BTRC: variants seen among roughly 807,000 people sequenced by gnomAD.
BTRC encodes the protein F-box/WD repeat-containing protein 1A.
Under a neutral mutation model 85.5 loss-of-function variants are expected in BTRC, and 42 were observed. The observed-to-expected ratio is 0.49, with a 90% CI of 0.38 to 0.64. The LOEUF is 0.64. Ranked by LOEUF, BTRC falls within the 30% of genes least tolerant of loss-of-function variation. BTRC has a pLI of 0.00. For missense variants in BTRC, 594 were observed against 743.5 expected (o/e 0.80, Z 2.34); for synonymous variants, 255 against 263.3 (o/e 0.97, Z 0.30).
chr10:101,418,595 C>A (rs542879760), intron 1 of BTRC, among the ~76,000 whole-genome samples: 53 of 151,820 alleles, frequency 3.5e-4, no homozygotes, highest in African/African-American at 1.3e-3. Context: ...ATAGTTTAGA[C>A]CTCTTCTAGA....
chr10:101,427,015 A>G (rs890470796), intron 1 of BTRC, among the ~76,000 whole-genome samples: 2 of 151,292 alleles, frequency 1.3e-5, no homozygotes, highest in Admixed American at 1.3e-4. Context: ...CTCAGATTCA[A>G]TCTTTCCTTC....
intron 4 of BTRC, among the ~76,000 whole-genome samples, chr10:101,491,070 A>C (rs1946118444): frequency 6.6e-6 from 1 of 152,042 alleles, no homozygotes; most frequent in Non-Finnish European, 1.5e-5. Context: ...AAAAAAAAAA[A>C]AAACTCTCTT....
At chr10:101,474,539 G>GTT (rs2134208461) in intron 3 of BTRC, among the ~76,000 whole-genome samples, 2 of 152,312 alleles carry the variant, frequency 1.3e-5, no homozygotes, top group South Asian at 4.1e-4. Context: ...CATGTACGTA[G>GTT]TTTGGGTGTT....
At chr10:101,531,164 C>CT in intron 6 of BTRC, 73 bp from the exon 7 acceptor site, 1 of 1,252,210 alleles carries the variant, frequency 8.0e-7, no homozygotes, top group East Asian at 2.4e-5. Flanking sequence ...GAGCGAGACT[C>CT]TGTCTCAAAA....
intron 13 of BTRC, 104 bp from the exon 14 acceptor site, chr10:101,550,595 A>G (rs990971878): frequency 1.6e-4 from 213 of 1,301,052 alleles, no homozygotes; most frequent in Non-Finnish European, 6.5e-5. Flanking sequence ...TTATAACAGC[A>G]AACCATAGCC....
chr10:101,466,797 A>G (rs772327269), intron 3 of BTRC, among the ~76,000 whole-genome samples: 1 of 152,328 alleles, frequency 6.6e-6, no homozygotes, highest in East Asian at 1.9e-4. Flanking sequence ...AAGGAACTAC[A>G]TAAGTCTTTT....
At chr10:101,464,503 C>G (rs781492156) in intron 3 of BTRC, among the ~76,000 whole-genome samples, 23 of 151,718 alleles carry the variant, frequency 1.5e-4, no homozygotes, top group Non-Finnish European at 2.9e-4. Flanking sequence ...CTCTTCCCCA[C>G]TCCCCCTGCC....
At chr10:101,414,795 AT>A (rs1179089258) in intron 1 of BTRC, 2 of 168,132 alleles carry the variant, frequency 1.2e-5, no homozygotes, top group East Asian at 1.8e-4. Context: ...TATAATATAT[AT>A]TTTTTAAATA....
intron 4 of BTRC, among the ~76,000 whole-genome samples, chr10:101,490,932 C>T (rs1244199337): frequency 1.3e-5 from 2 of 151,940 alleles, no homozygotes; most frequent in Non-Finnish European, 2.9e-5. Context: ...GGTGGCTGCA[C>T]CTGTTGTCCC....
intron 13 of BTRC, among the ~76,000 whole-genome samples, chr10:101,542,875 T>C (rs2062489576): frequency 6.6e-6 from 1 of 152,134 alleles, no homozygotes; most frequent in African/African-American, 2.4e-5. Flanking sequence ...TGGTTTTTTT[T>C]GTTGTTGTCG....
At chr10:101,539,097 C>G (rs752634003) in intron 13 of BTRC, among the ~76,000 whole-genome samples, 1 of 151,484 alleles carries the variant, frequency 6.6e-6, no homozygotes, top group Non-Finnish European at 1.5e-5. Context: ...TCCCCCTGGT[C>G]AACCCCTTAG....
chr10:101,519,920 G>A (rs12360234), intron 4 of BTRC, among the ~76,000 whole-genome samples: 66 of 152,056 alleles, frequency 4.3e-4, no homozygotes, highest in African/African-American at 1.5e-3. Flanking sequence ...ACTTGAACCC[G>A]GGAGGCAGAG....
intron 1 of BTRC, among the ~76,000 whole-genome samples, chr10:101,425,795 G>A (rs1213059557): frequency 6.6e-6 from 1 of 151,846 alleles, no homozygotes; most frequent in African/African-American, 2.4e-5. Flanking sequence ...GGGCAAGAGA[G>A]TGAGACTCTG....
At chr10:101,369,671 T>C (rs1942577405) in intron 1 of BTRC, among the ~76,000 whole-genome samples, 6 of 152,206 alleles carry the variant, frequency 3.9e-5, no homozygotes, top group Admixed American at 3.3e-4. Context: ...GCCATCATAC[T>C]GGACACACCA....
intron 4 of BTRC, among the ~76,000 whole-genome samples, chr10:101,511,196 T>G (rs2061948389): frequency 6.6e-6 from 1 of 152,124 alleles, no homozygotes; most frequent in East Asian, 1.9e-4. Context: ...TTTCCTTAAT[T>G]CCCACCATTT....
intron 6 of BTRC, among the ~76,000 whole-genome samples, chr10:101,528,868 A>G (rs1233452504): frequency 1.3e-5 from 2 of 152,196 alleles, no homozygotes; most frequent in African/African-American, 4.8e-5. Context: ...ACAGTTTTCT[A>G]ATAAAGCTTT....
chr10:101,464,541 A>AC (rs796145158), intron 3 of BTRC, among the ~76,000 whole-genome samples: 1,266 of 31,908 alleles, frequency 0.04, 17 homozygotes, highest in African/African-American at 0.11. Context: ...CTTCCCCCCC[A>AC]CCCCCCCCAT....
At chr10:101,444,730 A>T (rs1470792918) in intron 2 of BTRC, among the ~76,000 whole-genome samples, 3 of 152,260 alleles carry the variant, frequency 2.0e-5, no homozygotes, top group Admixed American at 6.5e-5. Flanking sequence ...AGAATACAGC[A>T]TGCTAATGCA....
At chr10:101,491,444 C>T (rs982063060) in intron 4 of BTRC, among the ~76,000 whole-genome samples, 6 of 152,098 alleles carry the variant, frequency 3.9e-5, no homozygotes, top group African/African-American at 1.2e-4. Flanking sequence ...CTTGTAATCC[C>T]AGTACTTTGG....
Sources: allele counts gnomAD v4.1 joint callset (sites outside exome capture counted in the v4.1 genomes callset), GRCh38; gene constraint gnomAD v4.1.1; transcripts MANE v1.5; gene names NCBI Gene and HGNC (gene_info 2026-07-23, HGNC 2026-07-21).